The following BLNK variants were observed in gnomAD, a reference collection of about 807,000 sequenced individuals.
BLNK encodes the protein B-cell linker protein.
A neutral mutation model predicts 73.5 loss-of-function variants in BLNK; 29 were observed. The ratio of observed to expected loss-of-function variants is 0.39; its 90% CI spans 0.29 to 0.54. The LOEUF (loss-of-function observed/expected upper bound fraction) is 0.54, where lower values mean the gene tolerates loss of function less well. Among genes scored for constraint, BLNK ranks in the 20% least tolerant of loss-of-function variants. The pLI, the probability that BLNK is intolerant of heterozygous loss-of-function variation, is 0.61. For missense variants in BLNK, 460 were observed against 562.8 expected, an observed-to-expected ratio of 0.82 and a Z score of 1.85; for synonymous variants, 176 against 200.8, an observed-to-expected ratio of 0.88 and a Z score of 1.04.
intron 1 of BLNK, among the ~76,000 whole-genome samples, chr10:96,263,323 A>T (rs1843845925): frequency 6.6e-6 from 1 of 152,144 alleles, no homozygotes; most frequent in Non-Finnish European, 1.5e-5. Context: ...AAGGAAGGGA[A>T]TCTGGAGTAG....
In BLNK at chr10:96,204,045, C is replaced by T. The variant is rs375361757; in HGVS notation, c.934+12G>A. 6.8e-6 allele frequency: 11 copies of T among 1,611,012 alleles called. No homozygotes were observed. The highest frequency in any genetic ancestry group is 2.7e-5 in the African/African-American group (2 of 74,808). ...CACTCCCTGATACACTACATGGCTT[C>T]GTTGTACTTACTTGGCAGAGGTATG... On this transcript the variant is annotated intron_variant, in intron 13 of 16. Coordinates refer to ENST00000224337, the MANE Select transcript of BLNK (RefSeq NM_013314.4).
chr10:96,209,371 GATTTATTT>G (rs3031836), intron 9 of BLNK, among the ~76,000 whole-genome samples: 17,945 of 150,894 alleles, frequency 0.12, 1,108 homozygotes, highest in South Asian at 0.16. Flanking sequence ...AATACTTCTA[GATTTATTT>G]ATTTATTTAT....
intron 9 of BLNK, among the ~76,000 whole-genome samples, chr10:96,209,581 C>G (rs587623696): frequency 6.6e-6 from 1 of 152,078 alleles, no homozygotes; most frequent in African/African-American, 2.4e-5. Context: ...TTAGTAGAGA[C>G]GGGGTTTCGC....
chr10:96,237,465 A>G (rs1842735259), intron 3 of BLNK, among the ~76,000 whole-genome samples: 2 of 152,094 alleles, frequency 1.3e-5, no homozygotes, highest in South Asian at 4.2e-4. Flanking sequence ...CAGGGATGCC[A>G]CCCCATCAGA....
intron 1 of BLNK, 91 bp from the exon 2 acceptor site, chr10:96,247,140 A>G (rs1843075885): frequency 1.5e-5 from 13 of 865,676 alleles, no homozygotes; most frequent in Non-Finnish European, 2.4e-5. Flanking sequence ...AAAAAAGGGG[A>G]AAAAACTCTA....
chr10:96,219,900 T>C (rs1324978728), intron 6 of BLNK, among the ~76,000 whole-genome samples: 3 of 152,152 alleles, frequency 2.0e-5, no homozygotes, highest in Admixed American at 6.5e-5. Flanking sequence ...GTTGTGCCAA[T>C]AGGAAAACGC....
chr10:96,219,097 C>A (rs1416783143), intron 6 of BLNK, among the ~76,000 whole-genome samples: 2 of 152,222 alleles, frequency 1.3e-5, no homozygotes, highest in African/African-American at 2.4e-5. Context: ...GAACCTGGTC[C>A]TCATCTCTGC....
intron 1 of BLNK, among the ~76,000 whole-genome samples, chr10:96,269,782 A>G (rs1844190161): frequency 1.3e-5 from 2 of 152,176 alleles, no homozygotes; most frequent in Admixed American, 1.3e-4. Context: ...TTCAGGTCCC[A>G]CATTCCCTAC....
intron 6 of BLNK, among the ~76,000 whole-genome samples, chr10:96,222,859 C>G (rs1367651987): frequency 6.6e-6 from 1 of 152,144 alleles, no homozygotes; most frequent in Non-Finnish European, 1.5e-5. Flanking sequence ...GGTATAATAG[C>G]TAGTCAGGCA....
chr10:96,264,293 G>A (rs1194997904), intron 1 of BLNK, among the ~76,000 whole-genome samples: 2 of 152,160 alleles, frequency 1.3e-5, no homozygotes, highest in Admixed American at 6.5e-5. Flanking sequence ...GGAGGCAGTA[G>A]CGGTACCTCT....
intron 1 of BLNK, among the ~76,000 whole-genome samples, chr10:96,254,628 A>G (rs1296172534): frequency 6.6e-6 from 1 of 152,030 alleles, no homozygotes; most frequent in Non-Finnish European, 1.5e-5. Flanking sequence ...CTCCTACCTC[A>G]GCCTCCCGAG....
chr10:96,229,333 G>A (rs1842405933), intron 4 of BLNK, among the ~76,000 whole-genome samples: 1 of 151,298 alleles, frequency 6.6e-6, no homozygotes, highest in South Asian at 2.1e-4. Context: ...AAATGAATGA[G>A]AACATATAGC....
At chr10:96,211,575 G>A (rs1349763525) in intron 8 of BLNK, among the ~76,000 whole-genome samples, 3 of 152,176 alleles carry the variant, frequency 2.0e-5, no homozygotes, top group Admixed American at 2.0e-4. Flanking sequence ...AAACCCTCAA[G>A]GATGGGAGCA....
chr10:96,210,051 A>G, intron 8 of BLNK, 144 bp from the exon 9 acceptor site: 2 of 850,528 alleles, frequency 2.4e-6, no homozygotes, highest in South Asian at 1.4e-5. Context: ...AGTTATATTG[A>G]AGCTATTAAG....
At chr10:96,235,585 A>C (rs1842661849) in intron 3 of BLNK, among the ~76,000 whole-genome samples, 1 of 152,180 alleles carries the variant, frequency 6.6e-6, no homozygotes, top group Non-Finnish European at 1.5e-5. Context: ...AGGGCCATGT[A>C]GTTTTCTGAG....
intron 3 of BLNK, among the ~76,000 whole-genome samples, chr10:96,234,403 G>A (rs10882756): frequency 0.71 from 107,705 of 152,116 alleles, 40,877 homozygotes; most frequent in Non-Finnish European, 0.84. Context: ...ATGGGAGTCC[G>A]AGGTATTAGG....
In BLNK at chr10:96,191,235, C is replaced by CTTTTT. The variant is rs34920263; in HGVS notation, c.*733_*737dup. Among the ~76,000 whole-genome samples the CTTTTT allele has an allele frequency of 1.8e-4, 24 of 130,252 alleles. No individual in the cohort carries two copies. The highest frequency in any genetic ancestry group is 1.8e-3 in the East Asian group (8 of 4,520). 85.5% of individuals were successfully genotyped at this position (130,252 alleles called of 152,430 possible). ...GTGGAACTGTGAGTCCATTAAACCT[C>CTTTTT]TTTTTTTTTTTTTTTTTTTATGTAA... is the stretch of plus-strand genomic sequence containing the variant. On this transcript the variant is annotated 3_prime_UTR_variant, in exon 17 of 17. Transcript: ENST00000224337.
chr10:96,211,581 G>A lies in BLNK; in HGVS notation c.677-1674C>T, dbSNP rs2083950118. ...TCTTTTCCTAAACCCTCAAGGATGG[G>A]AGCAACAGCAAAGAGTGGGTGGTGT... On this transcript the variant is annotated intron_variant, in intron 8 of 16. Coordinates refer to ENST00000224337, the MANE Select transcript of BLNK (RefSeq NM_013314.4). Among the ~76,000 whole-genome samples, 3 of 152,200 alleles carry A rather than the reference G, an allele frequency of 2.0e-5. No individual in the cohort carries two copies. The South Asian group carries it at 6.2e-4, about 31-fold the overall frequency.
At chr10:96,227,914 G>A (rs1323787989) in intron 4 of BLNK, among the ~76,000 whole-genome samples, 3 of 151,808 alleles carry the variant, frequency 2.0e-5, no homozygotes, top group Non-Finnish European at 4.4e-5. Context: ...ATAACCAATG[G>A]GTTTTATCTA....
Sources: allele counts gnomAD v4.1 joint callset (sites outside exome capture counted in the v4.1 genomes callset), GRCh38; gene constraint gnomAD v4.1.1; transcripts MANE v1.5; gene names NCBI Gene and HGNC (gene_info 2026-07-23, HGNC 2026-07-21).